FOXP1: variants seen among roughly 807,000 people sequenced by gnomAD.
FOXP1 encodes forkhead box P1.
A neutral mutation model predicts 98.2 loss-of-function variants in FOXP1; 15 were observed. The ratio of observed to expected loss-of-function variants is 0.15; its 90% CI spans 0.10 to 0.24. FOXP1 has a LOEUF of 0.24. Ranked by LOEUF, FOXP1 falls within the 10% of genes least tolerant of loss-of-function variation. FOXP1 has a pLI of 1.00. For missense variants in FOXP1, 633 were observed against 848.5 expected (o/e 0.75, Z 3.15); for synonymous variants, 371 against 314.5 (o/e 1.18, Z -1.90).
At chr3:71,014,885 G>C (rs577547884) in intron 12 of FOXP1, among the ~76,000 whole-genome samples, 4 of 151,838 alleles carry the variant, frequency 2.6e-5, no homozygotes, top group Admixed American at 6.6e-5. Flanking sequence ...GCAAACTATC[G>C]CAAGGACAGA....
At chr3:71,477,265 G>A (rs2089928732) in intron 3 of FOXP1, among the ~76,000 whole-genome samples, 1 of 152,114 alleles carries the variant, frequency 6.6e-6, no homozygotes. Context: ...CCCATTCTAG[G>A]CAGATGCTCA....
At chr3:71,576,585 T>TA (rs2047736075) in intron 2 of FOXP1, among the ~76,000 whole-genome samples, 1 of 152,212 alleles carries the variant, frequency 6.6e-6, no homozygotes, top group East Asian at 1.9e-4. Flanking sequence ...TAAATTTTGT[T>TA]TACGATTTAG....
At chr3:71,068,018 T>G (rs553388571) in intron 7 of FOXP1, among the ~76,000 whole-genome samples, 27 of 142,768 alleles carry the variant, frequency 1.9e-4, no homozygotes, top group Middle Eastern at 3.8e-3. Context: ...TAATATAAAA[T>G]GAATACCTGT....
chr3:71,182,026 C>A (rs2062330879), intron 6 of FOXP1, among the ~76,000 whole-genome samples: 1 of 134,474 alleles, frequency 7.4e-6, no homozygotes. Context: ...CAGAGCGAGA[C>A]TCCATCTCAA....
intron 3 of FOXP1, among the ~76,000 whole-genome samples, chr3:71,397,253 C>T (rs2108183251): frequency 6.6e-6 from 1 of 151,052 alleles, no homozygotes; most frequent in Middle Eastern, 3.4e-3. Context: ...GCTTAGGAGG[C>T]AAAAACCCAT....
chr3:71,146,274 A>G (rs1007995284), intron 6 of FOXP1, among the ~76,000 whole-genome samples: 3 of 152,200 alleles, frequency 2.0e-5, no homozygotes, highest in Admixed American at 6.5e-5. Flanking sequence ...CAGGGTGGCT[A>G]TTTGTATGGC....
upstream of FOXP1, chr3:71,583,834 G>T (rs1578288154): frequency 1.0e-6 from 1 of 987,536 alleles, no homozygotes; most frequent in Non-Finnish European, 1.2e-6. Flanking sequence ...GCAGAGGCGC[G>T]GGCAGCACCG....
chr3:71,412,784 A>AG (rs2082856868), intron 3 of FOXP1, among the ~76,000 whole-genome samples: 2 of 152,196 alleles, frequency 1.3e-5, no homozygotes, highest in Admixed American at 1.3e-4. Context: ...CTGGGAACCC[A>AG]GGCACCAATA....
chr3:71,526,133 TAAATAAACAAACAAAC>T (rs1232193428), intron 2 of FOXP1, among the ~76,000 whole-genome samples: 15 of 150,556 alleles, frequency 1.0e-4, no homozygotes, highest in African/African-American at 2.2e-4. Flanking sequence ...AATATATAAA[TAAATAAACAAACAAAC>T]AAACAAACAA....
At chr3:71,029,834 T>G (rs1040710255) in intron 11 of FOXP1, among the ~76,000 whole-genome samples, 1 of 152,232 alleles carries the variant, frequency 6.6e-6, no homozygotes, top group Non-Finnish European at 1.5e-5. Context: ...AGAACTACAT[T>G]GTGGTCATCT....
chr3:71,007,451 C>A (rs1247983902), intron 12 of FOXP1, among the ~76,000 whole-genome samples: 1 of 152,174 alleles, frequency 6.6e-6, no homozygotes, highest in African/African-American at 2.4e-5. Flanking sequence ...GATATCCGGC[C>A]TCCTTCGACA....
chr3:71,188,419 CT>C (rs1218204951), intron 6 of FOXP1, among the ~76,000 whole-genome samples: 108 of 142,052 alleles, frequency 7.6e-4, no homozygotes, highest in Non-Finnish European at 8.2e-4. Flanking sequence ...TTTTTTTTTC[CT>C]TTTTTTTTTT....
chr3:70,963,924 G>C (rs2034164444), intron 20 of FOXP1, among the ~76,000 whole-genome samples: 1 of 152,170 alleles, frequency 6.6e-6, no homozygotes, highest in Admixed American at 6.5e-5. Context: ...TTCCTAACAA[G>C]GTCCTTCAAG....
chr3:71,411,282 T>C (rs936270974), intron 3 of FOXP1, among the ~76,000 whole-genome samples: 13 of 44,004 alleles, frequency 3.0e-4, no homozygotes, highest in Non-Finnish European at 5.8e-4. Flanking sequence ...AATGGGCGTG[T>C]GTGTGTGTGT....
In FOXP1 at chr3:71,522,147, G is replaced by A. The variant is rs572313572; in HGVS notation, c.-297-28592C>T. ...CACCCTTGGGCCTGCCAAGAGTTCC[G>A]AGAGAGACACTGGCACCAAAAACAC... On this transcript the variant is annotated intron_variant, in intron 2 of 20. Transcript: ENST00000649528. Among the ~76,000 whole-genome samples the A allele has an allele frequency of 2.6e-5, 4 of 152,262 alleles. No individual in the cohort carries two copies. The South Asian group carries it at 6.2e-4, about 24-fold the overall frequency.
intron 5 of FOXP1, among the ~76,000 whole-genome samples, chr3:71,299,515 C>T (rs1339396870): frequency 6.6e-6 from 1 of 152,164 alleles, no homozygotes; most frequent in Non-Finnish European, 1.5e-5. Flanking sequence ...TGTGAATATT[C>T]CTTTCTAACT....
At chr3:71,421,846 C>T (rs1374009051) in intron 3 of FOXP1, among the ~76,000 whole-genome samples, 2 of 152,196 alleles carry the variant, frequency 1.3e-5, no homozygotes, top group Non-Finnish European at 2.9e-5. Context: ...CCAGTGTTGG[C>T]CCTCCTATGA....
chr3:71,580,624 A>C (rs2048090414), intron 2 of FOXP1, among the ~76,000 whole-genome samples: 1 of 151,940 alleles, frequency 6.6e-6, no homozygotes, highest in Non-Finnish European at 1.5e-5. Context: ...TTCTTTAAAA[A>C]TTCTAGTTTA....
At chr3:71,169,778 A>AC (rs1327749272) in intron 6 of FOXP1, among the ~76,000 whole-genome samples, 2 of 149,686 alleles carry the variant, frequency 1.3e-5, no homozygotes, top group Admixed American at 6.6e-5. Flanking sequence ...CTAAAAAATT[A>AC]CTGGCAAAAA....
Sources: gnomAD v4.1 joint callset for allele counts (sites outside exome capture counted in the v4.1 genomes callset) on GRCh38, gnomAD v4.1.1 for gene constraint, MANE v1.5 for transcripts, NCBI Gene and HGNC (gene_info 2026-07-23, HGNC 2026-07-21) for gene names.